Variants in GABBR2 observed in about 807,000 individuals in gnomAD.
GABBR2 encodes G-protein coupled receptor 51.
Under a neutral mutation model 105.6 loss-of-function variants are expected in GABBR2, and 23 were observed. That is an observed-to-expected ratio of 0.22 (90% CI 0.16 to 0.31). The LOEUF (loss-of-function observed/expected upper bound fraction) is 0.31. GABBR2 is among the 10% of genes least tolerant of loss of function. GABBR2 has a pLI of 1.00. For missense variants in GABBR2, 734 were observed against 1,245.5 expected, an observed-to-expected ratio of 0.59 and a Z score of 6.18; for synonymous variants, 478 against 499.7, an observed-to-expected ratio of 0.96 and a Z score of 0.58.
chr9:98,359,632 T>C (rs1831547649), intron 13 of GABBR2, among the ~76,000 whole-genome samples: 1 of 152,132 alleles, frequency 6.6e-6, no homozygotes, highest in South Asian at 2.1e-4. Flanking sequence ...TCCCTCTCAC[T>C]GCTTTCAGAG....
chr9:98,633,028 C>T (rs942124186), intron 1 of GABBR2, among the ~76,000 whole-genome samples: 17 of 152,114 alleles, frequency 1.1e-4, no homozygotes, highest in African/African-American at 3.6e-4. Flanking sequence ...GCTGGGGTTT[C>T]GGGACACCCT....
rs189651875 is a variant in GABBR2 at position 98,316,432 on chromosome 9, G to A, written c.1894-5227C>T. ...CTCCCAAAGTGCTGGGATTACAGAC[G>A]TGAGCCGCTGCACCCGGCCACTTTT... On this transcript the variant is annotated intron_variant, in intron 13 of 18. Coordinates refer to ENST00000259455, the MANE Select transcript of GABBR2 (RefSeq NM_005458.8). Among the ~76,000 whole-genome samples, 11 of 152,290 alleles carry A rather than the reference G, an allele frequency of 7.2e-5. No homozygotes were observed. In the East Asian group the frequency reaches 9.6e-4, roughly 13 times the overall value.
At chr9:98,685,175 C>T (rs762920357) in intron 1 of GABBR2, among the ~76,000 whole-genome samples, 20 of 152,236 alleles carry the variant, frequency 1.3e-4, no homozygotes, top group Admixed American at 2.6e-4. Context: ...CATCTGTCTC[C>T]CGTGCCGGAT....
chr9:98,350,200 C>G (rs1173724277), intron 13 of GABBR2, among the ~76,000 whole-genome samples: 1 of 145,864 alleles, frequency 6.9e-6, no homozygotes, highest in Non-Finnish European at 1.5e-5. Context: ...CCCACAAGTT[C>G]TCATTTTCTT....
chr9:98,525,476 G>T lies in GABBR2; in HGVS notation c.630+16397C>A, dbSNP rs967187656. On this transcript the variant is annotated intron_variant, in intron 3 of 18. Coordinates refer to ENST00000259455, the MANE Select transcript of GABBR2 (RefSeq NM_005458.8). ...TGAGACACCATGTCACACCCACTAAGATGGTTATAATCTCTTCTAAAATGG... is the reference window on the plus strand; with the variant it reads ...TGAGACACCATGTCACACCCACTAATATGGTTATAATCTCTTCTAAAATGG... 2.6e-5 allele frequency among the ~76,000 whole-genome samples: 4 copies of T among 152,284 alleles called. No individual in the cohort carries two copies. The South Asian group carries it at 8.3e-4, about 32-fold the overall frequency.
At chr9:98,531,861 C>A (rs1828074488) in intron 3 of GABBR2, among the ~76,000 whole-genome samples, 1 of 152,218 alleles carries the variant, frequency 6.6e-6, no homozygotes, top group Non-Finnish European at 1.5e-5. Flanking sequence ...CCACCCTTCA[C>A]CCATCTATCC....
At chr9:98,601,375 T>C (rs1014082264) in intron 1 of GABBR2, among the ~76,000 whole-genome samples, 2 of 152,006 alleles carry the variant, frequency 1.3e-5, no homozygotes, top group African/African-American at 4.8e-5. Context: ...AAATTAGCCG[T>C]GCATGGCGGT....
In GABBR2 at chr9:98,394,249, C is replaced by T. The variant is rs146990467; in HGVS notation, c.1304G>A (p.Arg435Lys). Residue 435 changes from arginine (R) to lysine (K), a missense_variant, in exon 9 of 19, where the codon AGG becomes AAG. By Grantham distance (26) the Arg-to-Lys change is conservative. Transcript: ENST00000259455. ...GTTGTACTCTCCCACCTTCACCTCC[C>T]TGCTGTCTGTGGGGAGCAAAAGACA... ...TIKFTQFQDSREVKVGEYNAV... is the reference protein window; with the variant it reads ...TIKFTQFQDSKEVKVGEYNAV... 20 of 1,612,780 alleles carry T rather than the reference C, an allele frequency of 1.2e-5. No homozygotes were observed. Among genetic ancestry groups the T allele is most frequent in the African/African-American group, 1.1e-4 (8 of 74,916 alleles).
chr9:98,606,962 T>A lies in GABBR2; in HGVS notation c.322-28890A>T, dbSNP rs2779535. ...CTTCCTGCTTGCCCGCGGCTCCGCC[T>A]GCATCCAAACCGCTGCTCGCCCCAT... On this transcript the variant is annotated intron_variant, in intron 1 of 18. Coordinates refer to ENST00000259455, the MANE Select transcript of GABBR2 (RefSeq NM_005458.8). The A allele has an allele frequency of 4.1e-5, 31 of 752,890 alleles. 2 individuals are homozygous for A. The highest frequency in any genetic ancestry group is 3.8e-4 in the South Asian group (27 of 70,678). The allele number at this position is 752,890 out of a possible 1,614,324, so 46.6% of individuals were successfully genotyped here.
At chr9:98,677,008 T>G (rs1380052382) in intron 1 of GABBR2, among the ~76,000 whole-genome samples, 2 of 152,216 alleles carry the variant, frequency 1.3e-5, no homozygotes, top group African/African-American at 2.4e-5. Flanking sequence ...GATTGGGACC[T>G]GGGACCTCAG....
At chr9:98,610,469 AAG>A (rs1446527348) in intron 1 of GABBR2, among the ~76,000 whole-genome samples, 2 of 152,178 alleles carry the variant, frequency 1.3e-5, no homozygotes, top group African/African-American at 4.8e-5. Context: ...TATATGGTAA[AAG>A]AGGGAATATT....
At position 98,708,397 on chromosome 9, in the gene GABBR2, A is replaced by C; in HGVS notation, c.321+20T>G. On this transcript the variant is annotated intron_variant, in intron 1 of 18. Transcript: ENST00000259455. ...CAATGCCCCCCGAAGCCCCGACGGCAGGGGCAGCCGGACACTCACCTCCGT... is the reference window on the plus strand; with the variant it reads ...CAATGCCCCCCGAAGCCCCGACGGCCGGGGCAGCCGGACACTCACCTCCGT... The C allele has an allele frequency of 2.9e-6, 4 of 1,374,104 alleles. No homozygotes were observed. The highest frequency in any genetic ancestry group is 3.8e-6 in the Non-Finnish European group (4 of 1,048,860). 85.1% of individuals were successfully genotyped at this position (1,374,104 alleles called of 1,614,324 possible). A position where few individuals can be genotyped will look rare whatever the true frequency, so the allele number is the denominator to read the frequency against.
intron 2 of GABBR2, among the ~76,000 whole-genome samples, chr9:98,577,228 A>ATGGTTAGGCGAATGGATGGGG (rs769775744): frequency 6.6e-6 from 1 of 151,132 alleles, no homozygotes; most frequent in African/African-American, 2.4e-5. Context: ...GGATGGATGG[A>ATGGTTAGGCGAATGGATGGGG]GCAAAAAAGT....
chr9:98,366,404 C>A (rs1361681492), intron 12 of GABBR2, among the ~76,000 whole-genome samples: 2 of 152,166 alleles, frequency 1.3e-5, no homozygotes, highest in East Asian at 1.9e-4. Context: ...TTACCATACT[C>A]ATTTAAATGA....
chr9:98,639,940 C>G (rs1241869329), intron 1 of GABBR2, among the ~76,000 whole-genome samples: 2 of 152,150 alleles, frequency 1.3e-5, no homozygotes, highest in Non-Finnish European at 2.9e-5. Context: ...TAGTGGCAAC[C>G]AGGACAGGTA....
intron 3 of GABBR2, among the ~76,000 whole-genome samples, chr9:98,508,598 G>A (rs1312592879): frequency 1.3e-5 from 2 of 152,062 alleles, no homozygotes; most frequent in African/African-American, 2.4e-5. Context: ...CTTAAAAAAT[G>A]GCGCACCAGG....
chr9:98,518,582 C>T (rs1025572320), intron 3 of GABBR2, among the ~76,000 whole-genome samples: 3 of 152,220 alleles, frequency 2.0e-5, no homozygotes, highest in African/African-American at 7.2e-5. Context: ...GCATCCCCTG[C>T]TTCTTCCTCC....
At chr9:98,304,238 G>C (rs962220) in intron 15 of GABBR2, 7,661 of 152,712 alleles carry the variant, frequency 0.05, 309 homozygotes, top group East Asian at 0.19. Context: ...GAGGGATGGT[G>C]GGGGGAAGGG....
intron 1 of GABBR2, among the ~76,000 whole-genome samples, chr9:98,695,155 G>A (rs539810220): frequency 6.6e-6 from 1 of 152,272 alleles, no homozygotes; most frequent in Non-Finnish European, 1.5e-5. Flanking sequence ...TCACTCATGC[G>A]AAACACATTT....
Sources: gnomAD v4.1 joint callset for allele counts (sites outside exome capture counted in the v4.1 genomes callset) on GRCh38, gnomAD v4.1.1 for gene constraint, MANE v1.5 for transcripts, NCBI Gene and HGNC (gene_info 2026-07-23, HGNC 2026-07-21) for gene names.